The following NEGR1 variants were observed in gnomAD, a reference collection of about 807,000 sequenced individuals.
The protein encoded by NEGR1 is neuronal growth regulator 1, also known as IgLON family member 4.
A neutral mutation model predicts 40.9 loss-of-function variants in NEGR1; 10 were observed. That is an observed-to-expected ratio of 0.24 (90% CI 0.15 to 0.42). NEGR1 has a LOEUF of 0.42. Among genes scored for constraint, NEGR1 ranks in the 10% least tolerant of loss-of-function variants. The pLI, the probability that NEGR1 is intolerant of heterozygous loss-of-function variation, is 1.00. For missense variants in NEGR1, 352 were observed against 438.9 expected (o/e 0.80, Z 1.77); for synonymous variants, 185 against 166.8 (o/e 1.11, Z -0.84).
At chr1:71,671,075 G>T (rs1389428503) in intron 4 of NEGR1, among the ~76,000 whole-genome samples, 1 of 151,880 alleles carries the variant, frequency 6.6e-6, no homozygotes, top group Non-Finnish European at 1.5e-5. Flanking sequence ...ACTATTTATT[G>T]TTATATTTTT....
At chr1:72,061,385 GATTT>G (rs1188402588) in intron 1 of NEGR1, among the ~76,000 whole-genome samples, 3 of 151,644 alleles carry the variant, frequency 2.0e-5, no homozygotes, top group Non-Finnish European at 4.4e-5. Flanking sequence ...TTTAAAAATA[GATTT>G]ATTTTAGATA....
At chr1:71,560,848 A>G (rs1648433308) in intron 6 of NEGR1, among the ~76,000 whole-genome samples, 1 of 151,440 alleles carries the variant, frequency 6.6e-6, no homozygotes, top group African/African-American at 2.4e-5. Flanking sequence ...TTTGCCTTCT[A>G]TCCCTCTGAA....
chr1:71,456,718 G>A (rs1646675455), intron 6 of NEGR1, among the ~76,000 whole-genome samples: 1 of 152,084 alleles, frequency 6.6e-6, no homozygotes, highest in Non-Finnish European at 1.5e-5. Flanking sequence ...TTTCTCATAA[G>A]ACAGACATAA....
chr1:72,183,921 G>A (rs529080101), intron 1 of NEGR1, among the ~76,000 whole-genome samples: 5 of 152,020 alleles, frequency 3.3e-5, no homozygotes, highest in African/African-American at 1.2e-4. Flanking sequence ...GGTTGGAAGA[G>A]AGCATTCCAA....
chr1:71,562,291 A>G (rs376693920), intron 6 of NEGR1, among the ~76,000 whole-genome samples: 1 of 151,896 alleles, frequency 6.6e-6, no homozygotes, highest in African/African-American at 2.4e-5. Context: ...ATTTGAAAGC[A>G]TGAATTTGCC....
At chr1:72,197,850 C>T (rs1653054095) in intron 1 of NEGR1, among the ~76,000 whole-genome samples, 1 of 152,010 alleles carries the variant, frequency 6.6e-6, no homozygotes. Flanking sequence ...CAAAATAAGA[C>T]TTTCATTAGC....
intron 6 of NEGR1, among the ~76,000 whole-genome samples, chr1:71,456,163 T>C (rs1446066505): frequency 1.3e-5 from 2 of 152,190 alleles, no homozygotes; most frequent in Non-Finnish European, 2.9e-5. Flanking sequence ...CAAAGAGATA[T>C]GTATGTTGAG....
intron 1 of NEGR1, among the ~76,000 whole-genome samples, chr1:72,040,658 A>G (rs1276414540): frequency 6.8e-6 from 1 of 148,022 alleles, no homozygotes; most frequent in Non-Finnish European, 1.5e-5. Flanking sequence ...AAGAAAAGGA[A>G]TTGGGTTTGT....
intron 6 of NEGR1, among the ~76,000 whole-genome samples, chr1:71,479,673 G>A (rs755552470): frequency 1.3e-5 from 2 of 152,088 alleles, no homozygotes; most frequent in South Asian, 4.1e-4. Flanking sequence ...GTCTAATTGA[G>A]TTATGGCTTA....
intron 2 of NEGR1, among the ~76,000 whole-genome samples, chr1:71,867,178 A>T (rs1475189081): frequency 6.6e-6 from 1 of 152,194 alleles, no homozygotes; most frequent in Non-Finnish European, 1.5e-5. Context: ...GTTTGAAACC[A>T]GCCTGGTCAA....
chr1:71,738,293 C>A, intron 3 of NEGR1: 1 of 249,834 alleles, frequency 4.0e-6, no homozygotes, highest in South Asian at 7.2e-5. Flanking sequence ...GCCTTGAGCC[C>A]TGCCATGCAG....
chr1:71,922,334 T>C (rs1406127904), intron 2 of NEGR1, among the ~76,000 whole-genome samples: 1 of 152,138 alleles, frequency 6.6e-6, no homozygotes, highest in Non-Finnish European at 1.5e-5. Flanking sequence ...CTAAAAAACA[T>C]AGTAGGCTGG....
Position 72,257,321 on chromosome 1 carries a change from C to CAAA in NEGR1, c.176+24995_176+24997dup, listed in dbSNP as rs34220734. The stretch of plus-strand genomic sequence containing the variant: ...TGGGCGACAGAGCGAGACTCTGTCT[C>CAAA]AAAAAAAAAAAAAAAAAAAAAAAGA... On this transcript the variant is annotated intron_variant, in intron 1 of 6. Transcript: ENST00000357731. Among the ~76,000 whole-genome samples, 44 of 57,064 alleles carry CAAA rather than the reference C, an allele frequency of 7.7e-4. 1 individual carries two copies. The highest frequency in any genetic ancestry group is 1.6e-3 in the African/African-American group (24 of 15,180). The allele number at this position is 57,064 out of a possible 152,430, so 37.4% of individuals were successfully genotyped here.
intron 1 of NEGR1, among the ~76,000 whole-genome samples, chr1:72,072,376 G>C (rs760625686): frequency 1.3e-5 from 2 of 152,004 alleles, no homozygotes; most frequent in Non-Finnish European, 2.9e-5. Flanking sequence ...GATTAAATAG[G>C]AAATATTTTT....
chr1:71,875,350 C>A lies in NEGR1; in HGVS notation c.409+59729G>T, dbSNP rs1377402324. Among the ~76,000 whole-genome samples the A allele has an allele frequency of 5.2e-4, 79 of 152,098 alleles. 1 individual carries two copies. Among genetic ancestry groups the A allele is most frequent in the Non-Finnish European group, 2.9e-5 (2 of 68,012 alleles). ...CTGGAAAGTAGGTCTCTGATTAATA[C>A]AAATGTCTTAAACTAAAACTTATAA... On this transcript the variant is annotated intron_variant, in intron 2 of 6. Transcript: ENST00000357731.
chr1:71,858,177 G>T (rs528512819), intron 2 of NEGR1, among the ~76,000 whole-genome samples: 2 of 152,116 alleles, frequency 1.3e-5, no homozygotes, highest in East Asian at 3.9e-4. Flanking sequence ...TGGGTCTATA[G>T]CCTAGAGAGC....
Position 72,266,414 on chromosome 1 carries a change from T to G in NEGR1, c.176+15905A>C, listed in dbSNP as rs921988648. On this transcript the variant is annotated intron_variant, in intron 1 of 6. Transcript: ENST00000357731. Reference sequence around the variant, plus strand: ...AGGATTCTACTGAGAGAAACAAGTTTTTTATAGATTCACTTACTCATTTCT... The same window carrying G: ...AGGATTCTACTGAGAGAAACAAGTTGTTTATAGATTCACTTACTCATTTCT... Among the ~76,000 whole-genome samples, 5 of 150,836 alleles carry G rather than the reference T, an allele frequency of 3.3e-5. No homozygotes were observed. The East Asian group carries it at 9.7e-4, about 29-fold the overall frequency.
At chr1:71,467,433 T>C (rs1646754205) in intron 6 of NEGR1, among the ~76,000 whole-genome samples, 1 of 152,082 alleles carries the variant, frequency 6.6e-6, no homozygotes, top group Non-Finnish European at 1.5e-5. Flanking sequence ...AATAATGCTT[T>C]AGTAACAATA....
intron 4 of NEGR1, among the ~76,000 whole-genome samples, chr1:71,654,446 G>T (rs1371245105): frequency 6.6e-6 from 1 of 152,142 alleles, no homozygotes; most frequent in African/African-American, 2.4e-5. Context: ...GGGAGCATAT[G>T]AAGACTCTGT....
Sources: allele counts gnomAD v4.1 joint callset (sites outside exome capture counted in the v4.1 genomes callset), GRCh38; gene constraint gnomAD v4.1.1; transcripts MANE v1.5; gene names NCBI Gene and HGNC (gene_info 2026-07-23, HGNC 2026-07-21).